Variants in CDH6 observed in about 807,000 individuals in gnomAD.
CDH6 encodes cadherin 6.
Under a neutral mutation model 78.0 loss-of-function variants are expected in CDH6, and 31 were observed. That is an observed-to-expected ratio of 0.40 (90% CI 0.30 to 0.54). CDH6 has a LOEUF of 0.54. Ranked by LOEUF, CDH6 falls within the 20% of genes least tolerant of loss-of-function variation. The pLI, the probability that CDH6 is intolerant of heterozygous loss-of-function variation, is 0.56. For missense variants in CDH6, 724 were observed against 975.9 expected, an observed-to-expected ratio of 0.74 and a Z score of 3.44; for synonymous variants, 376 against 368.8, an observed-to-expected ratio of 1.02 and a Z score of -0.23.
chr5:31,278,047 C>T (rs1742747039), intron 2 of CDH6, among the ~76,000 whole-genome samples: 1 of 152,086 alleles, frequency 6.6e-6, no homozygotes, highest in African/African-American at 2.4e-5. Flanking sequence ...GATCTATTCC[C>T]TTAGCCAATT....
chr5:31,262,164 G>C (rs1443210564), intron 1 of CDH6, among the ~76,000 whole-genome samples: 3 of 152,098 alleles, frequency 2.0e-5, no homozygotes, highest in Non-Finnish European at 4.4e-5. Context: ...TAAGGCCCAG[G>C]CTCCTCCAAA....
intron 2 of CDH6, among the ~76,000 whole-genome samples, chr5:31,290,024 A>G (rs2149945115): frequency 6.6e-6 from 1 of 152,072 alleles, no homozygotes; most frequent in African/African-American, 2.4e-5. Context: ...GGGAGGCCCA[A>G]GGCGGACAGA....
intron 8 of CDH6, among the ~76,000 whole-genome samples, chr5:31,314,715 A>G (rs1287113387): frequency 1.3e-5 from 2 of 152,118 alleles, no homozygotes; most frequent in African/African-American, 4.8e-5. Flanking sequence ...AAGTTTTAAA[A>G]TTATAAATTT....
intron 1 of CDH6, among the ~76,000 whole-genome samples, chr5:31,253,168 T>C (rs1741955261): frequency 1.3e-5 from 2 of 152,226 alleles, no homozygotes; most frequent in African/African-American, 2.4e-5. Context: ...GGATCTCATA[T>C]GGTTTGGTTC....
rs776553860 is a variant in CDH6, at chr5:31,302,190, G to A, written c.891G>A (p.Val297=). Residue 297 remains valine, a synonymous_variant, in exon 6 of 12, where the codon GTG becomes GTA. Coordinates refer to ENST00000265071, the MANE Select transcript of CDH6 (RefSeq NM_004932.4). ...IGRIKASDAD[V]GENAEIEYSI... is the part of the protein sequence containing the mutation. ...GAATCAAAGCCAGCGACGCTGATGT[G>A]GGAGAAAATGCTGAAATTGAGTACA... 3.7e-6 allele frequency: 6 copies of A among 1,613,882 alleles called. No homozygotes were observed. Among genetic ancestry groups the A allele is most frequent in the South Asian group, 1.1e-5 (1 of 91,080 alleles).
In CDH6 at chr5:31,281,594, G is replaced by A. The variant is rs1376293946; in HGVS notation, c.229-12368G>A. On this transcript the variant is annotated intron_variant, in intron 2 of 11. Transcript: ENST00000265071. ...AGGGACCTTGGACTTCAAAAGCCAA[G>A]CATAAAGCAGTAAACAATGCCTTTT... Among the ~76,000 whole-genome samples the A allele has an allele frequency of 3.3e-5, 5 of 152,284 alleles. No individual in the cohort carries two copies. The South Asian group carries it at 6.2e-4, about 19-fold the overall frequency.
At chr5:31,239,167 A>G (rs551394036) in intron 1 of CDH6, among the ~76,000 whole-genome samples, 1 of 152,320 alleles carries the variant, frequency 6.6e-6, no homozygotes, top group East Asian at 1.9e-4. Flanking sequence ...AATTTGGAAA[A>G]ATAGTAGGAG....
At chr5:31,248,162 TA>T (rs1236731340) in intron 1 of CDH6, among the ~76,000 whole-genome samples, 1 of 152,178 alleles carries the variant, frequency 6.6e-6, no homozygotes, top group Admixed American at 6.5e-5. Context: ...CTAATGATAT[TA>T]AAACAAGAAA....
At chr5:31,221,929 T>C (rs1741013408) in intron 1 of CDH6, among the ~76,000 whole-genome samples, 1 of 152,184 alleles carries the variant, frequency 6.6e-6, no homozygotes, top group Non-Finnish European at 1.5e-5. Flanking sequence ...TCAAATCTGC[T>C]AGACTTGTTG....
intron 7 of CDH6, among the ~76,000 whole-genome samples, chr5:31,312,977 G>A (rs1738199848): frequency 8.3e-6 from 1 of 120,228 alleles, no homozygotes. Flanking sequence ...ACACATTAAA[G>A]TTCTCAGGTT....
chr5:31,202,488 T>A (rs1182657052), intron 1 of CDH6, among the ~76,000 whole-genome samples: 1 of 151,790 alleles, frequency 6.6e-6, no homozygotes, highest in African/African-American at 2.4e-5. Context: ...TACAAAAAAC[T>A]TAGCCAGATA....
In CDH6 at chr5:31,305,230, TTA is replaced by T; in HGVS notation, c.1058_1059del (p.Tyr353CysfsTer2). 6.2e-7 allele frequency: 1 copy of T among 1,614,044 alleles called. No individual in the cohort carries two copies. ...YTLKVEASNP[Y>X]VEPRFLYLGP... Reference sequence around the variant, plus strand: ...CCCTTAAAGTGGAAGCCTCCAATCCTTATGTTGAGCCACGATTTCTCTACTTG... The same window carrying T: ...CCCTTAAAGTGGAAGCCTCCAATCCTTGTTGAGCCACGATTTCTCTACTTG... On this transcript the variant is annotated frameshift_variant, in exon 7 of 12. Transcript: ENST00000265071. LOFTEE classifies it high-confidence loss of function.
chr5:31,267,556 C>T lies in CDH6; in HGVS notation c.83C>T (p.Thr28Ile). 6.2e-7 allele frequency: 1 copy of T among 1,613,990 alleles called. No homozygotes were observed. The highest frequency in any genetic ancestry group is 8.5e-7 in the Non-Finnish European group (1 of 1,179,976). The change falls in exon 2 of 12, where the codon ACT (threonine) becomes ATT (isoleucine). Residue 28 changes from threonine (T) to isoleucine (I), a missense_variant. Thr to Ile is a moderately conservative substitution (Grantham distance 89). Around this residue, in one of 3 missense-constraint regions of CDH6, gnomAD observed 58 missense variants for 50.8 expected, o/e 1.14. Coordinates refer to ENST00000265071, the MANE Select transcript of CDH6 (RefSeq NM_004932.4). ...CTCTCAACTCCACTATCAAAGAGGA[C>T]TAGTGGTTTCCCAGCAAAGAAAAGG... ...PTLSTPLSKRTSGFPAKKRAL... is the reference protein window; with the variant it reads ...PTLSTPLSKRISGFPAKKRAL...
At chr5:31,317,600 T>G in intron 10 of CDH6, 73 bp from the exon 11 acceptor site, 1 of 1,565,832 alleles carries the variant, frequency 6.4e-7, no homozygotes, top group Non-Finnish European at 8.7e-7. Context: ...TATATCTATC[T>G]TTTCTTATCA....
At position 31,310,200 on chromosome 5, in the gene CDH6, A is replaced by C. The variant is rs186354567; in HGVS notation, c.1254-3118A>C. ...TTACAGGTATTGGGTAAATGTTTCC[A>C]CTCAAAAAGGGAGATATTGGCCACA... is the stretch of plus-strand genomic sequence containing the variant. On this transcript the variant is annotated intron_variant, in intron 7 of 11. Transcript: ENST00000265071. Among the ~76,000 whole-genome samples the C allele has an allele frequency of 2.6e-3, 396 of 152,288 alleles. 1 individual carries two copies. The highest frequency in any genetic ancestry group is 0.02 in the Middle Eastern group (6 of 294).
intron 1 of CDH6, among the ~76,000 whole-genome samples, chr5:31,218,484 C>A (rs1740924618): frequency 6.6e-6 from 1 of 152,116 alleles, no homozygotes; most frequent in South Asian, 2.1e-4. Context: ...AGAAATTGGA[C>A]CCACTCTCGT....
intron 7 of CDH6, among the ~76,000 whole-genome samples, chr5:31,312,049 A>T (rs1006840608): frequency 1.3e-5 from 2 of 152,214 alleles, no homozygotes; most frequent in African/African-American, 2.4e-5. Context: ...TTAAATATTT[A>T]TCAAGTTCCT....
At position 31,317,711 on chromosome 5, in the gene CDH6, A is replaced by G. The variant is rs1322751917; in HGVS notation, c.1669A>G (p.Asn557Asp). The G allele has an allele frequency of 1.2e-6, 2 of 1,613,884 alleles. No homozygotes were observed. Among genetic ancestry groups the G allele is most frequent in the East Asian group, 2.2e-5 (1 of 44,870 alleles). Residue 557 changes from asparagine to aspartate, a missense_variant, in exon 11 of 12, where the codon AAT (asparagine) becomes GAT (aspartate). Physicochemically the swap from Asn to Asp is conservative, Grantham distance 23. Coordinates refer to ENST00000265071, the MANE Select transcript of CDH6 (RefSeq NM_004932.4). The stretch of plus-strand genomic sequence containing the variant: ...AATCTTAACTCGGAAAAATGGCTAT[A>G]ATAGACACGAGATGAGCACCTATCT... ...AGILTRKNGY[N>D]RHEMSTYLLP...
chr5:31,256,872 G>C (rs575824439), intron 1 of CDH6, among the ~76,000 whole-genome samples: 1 of 152,170 alleles, frequency 6.6e-6, no homozygotes, highest in African/African-American at 2.4e-5. Context: ...TGAGCACATC[G>C]GCCCTAATTG....
Sources: gnomAD v4.1 joint callset for allele counts (sites outside exome capture counted in the v4.1 genomes callset) on GRCh38, gnomAD v4.1.1 for gene constraint, gnomAD v4.1.1 regional missense constraint, MANE v1.5 for transcripts, NCBI Gene and HGNC (gene_info 2026-07-23, HGNC 2026-07-21) for gene names.